SHISA9: variants seen among roughly 807,000 people sequenced by gnomAD.
The protein encoded by SHISA9 is shisa family member 9.
In SHISA9, 13 loss-of-function variants were observed where a neutral mutation model predicts 38.0. That is an observed-to-expected ratio of 0.34 (90% CI 0.22 to 0.54). The LOEUF (loss-of-function observed/expected upper bound fraction) is 0.54. Among genes scored for constraint, SHISA9 ranks in the 20% least tolerant of loss-of-function variants. The probability of loss-of-function intolerance (pLI) is 0.91; values close to 1 mark genes in which losing one functional copy is unlikely to be tolerated. For missense variants in SHISA9, 538 were observed against 575.8 expected, an observed-to-expected ratio of 0.93 and a Z score of 0.67; for synonymous variants, 275 against 242.0, an observed-to-expected ratio of 1.14 and a Z score of -1.27.
the SHISA9 span, among the ~76,000 whole-genome samples, chr16:13,419,113 G>A: frequency 6.6e-6 from 1 of 152,192 alleles, no homozygotes; most frequent in Non-Finnish European, 1.5e-5. Flanking sequence ...AAAACTTTTA[G>A]TTCAAGCTTT....
chr16:13,016,484 C>A (rs904797113), intron 2 of SHISA9, among the ~76,000 whole-genome samples: 4 of 152,104 alleles, frequency 2.6e-5, no homozygotes, highest in African/African-American at 9.7e-5. Flanking sequence ...GTGTAATGGG[C>A]AGTGGTGAGG....
chr16:13,477,557 G>T, the SHISA9 span, among the ~76,000 whole-genome samples: 1 of 152,176 alleles, frequency 6.6e-6, no homozygotes, highest in Non-Finnish European at 1.5e-5. Flanking sequence ...TGGCCCCAAA[G>T]GCAAGTCATT....
At chr16:13,252,892 T>G in the SHISA9 span, among the ~76,000 whole-genome samples, 4 of 152,280 alleles carry the variant, frequency 2.6e-5, no homozygotes, top group East Asian at 1.9e-4. Context: ...CAACATGGGT[T>G]TGAACTGTGT....
the SHISA9 span, among the ~76,000 whole-genome samples, chr16:13,455,148 T>C: frequency 8.3e-3 from 1,263 of 152,294 alleles, 18 homozygotes; most frequent in African/African-American, 0.029. Context: ...CAAAATTCAT[T>C]TTATATACAT....
chr16:13,471,459 T>C, the SHISA9 span, among the ~76,000 whole-genome samples: 1 of 152,222 alleles, frequency 6.6e-6, no homozygotes, highest in East Asian at 1.9e-4. Flanking sequence ...CATGGGAATA[T>C]AAGCACTGAC....
At chr16:13,397,903 A>T in the SHISA9 span, among the ~76,000 whole-genome samples, 40,298 of 151,992 alleles carry the variant, frequency 0.27, 6,993 homozygotes, top group African/African-American at 0.49. Flanking sequence ...TGCAAGGTTT[A>T]ATTGAGTGGA....
At chr16:12,916,626 C>A in intron 1 of SHISA9, 62 bp from the exon 2 acceptor site, 1 of 1,522,422 alleles carries the variant, frequency 6.6e-7, no homozygotes, top group South Asian at 1.3e-5. Flanking sequence ...CAGTACTCGG[C>A]GCATAGCAGC....
At chr16:13,161,710 G>A (rs2050596635) in intron 2 of SHISA9, among the ~76,000 whole-genome samples, 1 of 152,144 alleles carries the variant, frequency 6.6e-6, no homozygotes, top group African/African-American at 2.4e-5. Context: ...TTTATAGGCA[G>A]GGGGTCCTTT....
the SHISA9 span, among the ~76,000 whole-genome samples, chr16:13,382,845 G>A: frequency 2.6e-5 from 4 of 152,202 alleles, no homozygotes; most frequent in East Asian, 3.9e-4. Flanking sequence ...GTGATAGAGC[G>A]AGACTCTGTC....
intron 1 of SHISA9, chr16:12,908,611 CT>C: frequency 6.4e-7 from 1 of 1,551,484 alleles, no homozygotes; most frequent in Non-Finnish European, 8.7e-7. Flanking sequence ...CTAGGCTGCA[CT>C]GCGTTTGAGT....
intron 2 of SHISA9, among the ~76,000 whole-genome samples, chr16:13,140,031 A>C (rs2050385363): frequency 6.6e-6 from 1 of 150,626 alleles, no homozygotes; most frequent in Non-Finnish European, 1.5e-5. Context: ...TTGTTTTGCG[A>C]GTAGATAGTC....
intron 2 of SHISA9, among the ~76,000 whole-genome samples, chr16:12,978,569 A>T (rs577539847): frequency 6.6e-6 from 1 of 152,218 alleles, no homozygotes; most frequent in Non-Finnish European, 1.5e-5. Flanking sequence ...ACAATTAAGG[A>T]CATCAATATT....
chr16:13,355,427 C>A, the SHISA9 span, among the ~76,000 whole-genome samples: 2 of 151,376 alleles, frequency 1.3e-5, no homozygotes, highest in African/African-American at 4.8e-5. Flanking sequence ...TGGGGGGATA[C>A]AAGAGGAGGA....
chr16:13,052,827 G>A (rs4781387), intron 2 of SHISA9, among the ~76,000 whole-genome samples: 94,833 of 151,980 alleles, frequency 0.62, 30,282 homozygotes, highest in Middle Eastern at 0.74. Flanking sequence ...CTACCCAGAA[G>A]CTTTCACTAT....
chr16:12,986,579 A>G (rs1364896254), intron 2 of SHISA9, among the ~76,000 whole-genome samples: 4 of 152,156 alleles, frequency 2.6e-5, no homozygotes, highest in Non-Finnish European at 5.9e-5. Flanking sequence ...CAGACTGGAT[A>G]TTGGAGGGGA....
the SHISA9 span, among the ~76,000 whole-genome samples, chr16:13,524,859 G>C: frequency 6.6e-6 from 1 of 151,944 alleles, no homozygotes; most frequent in African/African-American, 2.4e-5. Context: ...ATTACGCAGA[G>C]TTGTCCTGTG....
chr16:13,266,308 A>G, the SHISA9 span, among the ~76,000 whole-genome samples: 1 of 152,030 alleles, frequency 6.6e-6, no homozygotes, highest in Non-Finnish European at 1.5e-5. Context: ...ACCCTTTCCT[A>G]GATATTATTT....
chr16:13,427,770 T>A, the SHISA9 span, among the ~76,000 whole-genome samples: 2 of 152,118 alleles, frequency 1.3e-5, no homozygotes, highest in African/African-American at 4.8e-5. Flanking sequence ...TTCTCCTAGC[T>A]GTAAGGAGAG....
chr16:12,972,041 T>TGTG (rs2072090710), intron 2 of SHISA9, among the ~76,000 whole-genome samples: 8 of 141,948 alleles, frequency 5.6e-5, no homozygotes, highest in South Asian at 2.4e-4. Context: ...CTCTTGGAGT[T>TGTG]TGTGTGTGTG....
Sources: allele counts gnomAD v4.1 joint callset (sites outside exome capture counted in the v4.1 genomes callset), GRCh38; gene constraint gnomAD v4.1.1; transcripts MANE v1.5; gene names NCBI Gene and HGNC (gene_info 2026-07-23, HGNC 2026-07-21).